The following GALNT7 variants were observed in gnomAD, a reference collection of about 807,000 sequenced individuals.
The protein encoded by GALNT7 is N-acetylgalactosaminyltransferase 7.
GALNT7 carries 60 observed loss-of-function variants against 82.1 expected under a neutral mutation model. The ratio of observed to expected loss-of-function variants is 0.73; its 90% CI spans 0.59 to 0.91. GALNT7 has a LOEUF of 0.91. GALNT7 is among the 40% of genes least tolerant of loss of function. GALNT7 has a pLI of 0.00. For missense variants in GALNT7, 660 were observed against 804.2 expected (o/e 0.82, Z 2.17); for synonymous variants, 243 against 275.1 (o/e 0.88, Z 1.15).
chr4:173,224,985 A>T (rs1398833484), intron 1 of GALNT7, among the ~76,000 whole-genome samples: 1 of 151,034 alleles, frequency 6.6e-6, no homozygotes, highest in Non-Finnish European at 1.5e-5. Flanking sequence ...ACTGCACTCT[A>T]GCCTGGACGA....
Position 173,295,446 on chromosome 4 carries a change from G to T in GALNT7, c.805G>T (p.Val269Leu), listed in dbSNP as rs769657556. The change falls in exon 4 of 12, where the codon GTG becomes TTG. Residue 269 changes from valine (V) to leucine (L), a missense_variant. This residue lies in a region of GALNT7 where 527 missense variants were observed against 683.5 expected (regional missense o/e 0.77). Transcript: ENST00000265000. Reference sequence around the variant, plus strand: ...ATATATTAAGCTGTGGAATGGCCTAGTGAAGGTATTTCGAAATGAAAGAAG... The same window carrying T: ...ATATATTAAGCTGTGGAATGGCCTATTGAAGGTATTTCGAAATGAAAGAAG... ...DEYIKLWNGL[V>L]KVFRNERREG... The T allele has an allele frequency of 3.1e-6, 5 of 1,606,882 alleles. No individual in the cohort carries two copies. The highest frequency in any genetic ancestry group is 1.1e-5 in the South Asian group (1 of 90,922).
At chr4:173,301,236 T>G (rs976014858) in intron 6 of GALNT7, among the ~76,000 whole-genome samples, 1 of 151,990 alleles carries the variant, frequency 6.6e-6, no homozygotes, top group Admixed American at 6.5e-5. Context: ...GATGATGAAG[T>G]TACCCTAATA....
intron 1 of GALNT7, among the ~76,000 whole-genome samples, chr4:173,191,276 A>G (rs1309763196): frequency 1.3e-5 from 2 of 152,188 alleles, no homozygotes; most frequent in East Asian, 3.9e-4. Flanking sequence ...CTAGAAAATA[A>G]TGGGGCTGGT....
At chr4:173,295,374 A>T (rs752989887) in intron 3 of GALNT7, 22 bp from the exon 4 acceptor site, 5 of 1,475,952 alleles carry the variant, frequency 3.4e-6, no homozygotes, top group Non-Finnish European at 4.7e-6. Context: ...AATTTATAAT[A>T]TCGATTGATT....
chr4:173,271,466 TTTA>T (rs1411293090), intron 2 of GALNT7, among the ~76,000 whole-genome samples: 1 of 152,168 alleles, frequency 6.6e-6, no homozygotes, highest in Non-Finnish European at 1.5e-5. Flanking sequence ...TATTTATTTA[TTTA>T]TTGAGACAGA....
At chr4:173,207,869 T>C (rs976616646) in intron 1 of GALNT7, among the ~76,000 whole-genome samples, 3 of 152,238 alleles carry the variant, frequency 2.0e-5, no homozygotes, top group Non-Finnish European at 4.4e-5. Context: ...CAATGGATAT[T>C]TTCATTTCAG....
chr4:173,252,452 G>A (rs1301106985), intron 2 of GALNT7, among the ~76,000 whole-genome samples: 2 of 152,228 alleles, frequency 1.3e-5, no homozygotes, highest in East Asian at 1.9e-4. Context: ...TCTTGCGGCT[G>A]TTGTGTAGTC....
chr4:173,277,877 C>T (rs191091656), intron 2 of GALNT7, among the ~76,000 whole-genome samples: 73 of 152,296 alleles, frequency 4.8e-4, no homozygotes, highest in Non-Finnish European at 8.7e-4. Context: ...TAACTGACAT[C>T]TTAAGAGTGC....
intron 1 of GALNT7, among the ~76,000 whole-genome samples, chr4:173,182,620 C>A (rs1006140677): frequency 6.7e-6 from 1 of 150,122 alleles, no homozygotes; most frequent in Non-Finnish European, 1.5e-5. Context: ...GGGCACACAG[C>A]GTGTTGCCTC....
chr4:173,176,655 G>A (rs527440303), intron 1 of GALNT7, among the ~76,000 whole-genome samples: 1 of 152,278 alleles, frequency 6.6e-6, no homozygotes, highest in East Asian at 1.9e-4. Flanking sequence ...CTAGTGTATG[G>A]GACTGGATGC....
chr4:173,204,831 C>G (rs1166747698), intron 1 of GALNT7, among the ~76,000 whole-genome samples: 3 of 152,064 alleles, frequency 2.0e-5, no homozygotes, highest in African/African-American at 7.2e-5. Context: ...CCTAGGAGAT[C>G]TTTTGTGTTC....
intron 2 of GALNT7, among the ~76,000 whole-genome samples, chr4:173,259,783 G>A (rs569811283): frequency 1.8e-4 from 28 of 152,086 alleles, no homozygotes; most frequent in Non-Finnish European, 4.0e-4. Context: ...GATCCCAGGT[G>A]CCCGCCACCA....
chr4:173,183,968 G>T (rs1453517241), intron 1 of GALNT7, among the ~76,000 whole-genome samples: 1 of 151,802 alleles, frequency 6.6e-6, no homozygotes, highest in South Asian at 2.1e-4. Context: ...ACGGGGTCGC[G>T]GCCGGGCAGA....
intron 8 of GALNT7, among the ~76,000 whole-genome samples, chr4:173,306,937 C>A (rs1268569998): frequency 6.6e-6 from 1 of 152,158 alleles, no homozygotes. Flanking sequence ...CTGGTTTCAG[C>A]TTCCTCTATG....
intron 1 of GALNT7, among the ~76,000 whole-genome samples, chr4:173,180,200 C>T (rs1217813292): frequency 2.0e-5 from 3 of 150,738 alleles, no homozygotes; most frequent in African/African-American, 4.9e-5. Flanking sequence ...AGTCTAATTA[C>T]GTTAAGTCAA....
chr4:173,305,150 G>C (rs1397613627), intron 8 of GALNT7, among the ~76,000 whole-genome samples: 7 of 152,196 alleles, frequency 4.6e-5, no homozygotes, highest in African/African-American at 1.7e-4. Context: ...CAGGTGGGAA[G>C]GGTATCTTGT....
chr4:173,171,131 A>G (rs1731853627), intron 1 of GALNT7, among the ~76,000 whole-genome samples: 1 of 152,226 alleles, frequency 6.6e-6, no homozygotes, highest in African/African-American at 2.4e-5. Flanking sequence ...TCCCAGGTAA[A>G]TAGTAATACA....
At chr4:173,198,453 C>T (rs912260965) in intron 1 of GALNT7, among the ~76,000 whole-genome samples, 8 of 152,076 alleles carry the variant, frequency 5.3e-5, no homozygotes, top group Admixed American at 1.3e-4. Context: ...GTTAATACAT[C>T]TCTATGTGGC....
intron 1 of GALNT7, among the ~76,000 whole-genome samples, chr4:173,224,885 C>T (rs141474183): frequency 3.3e-5 from 5 of 151,474 alleles, no homozygotes; most frequent in African/African-American, 4.8e-5. Context: ...CGTGGTGGCG[C>T]GCGCCTGTAG....
Sources: allele counts gnomAD v4.1 joint callset (sites outside exome capture counted in the v4.1 genomes callset), GRCh38; gene constraint gnomAD v4.1.1; regional missense constraint gnomAD v4.1.1; transcripts MANE v1.5; gene names NCBI Gene and HGNC (gene_info 2026-07-23, HGNC 2026-07-21).